CTBP2: variants seen among roughly 807,000 people sequenced by gnomAD.
The protein encoded by CTBP2 is C-terminal-binding protein 2.
In CTBP2, 30 loss-of-function variants were observed where a neutral mutation model predicts 80.3. The observed-to-expected ratio is 0.37, with a 90% CI of 0.28 to 0.51. CTBP2 has a LOEUF of 0.51. Ranked by LOEUF, CTBP2 falls within the 20% of genes least tolerant of loss-of-function variation. The probability of loss-of-function intolerance (pLI) is 0.93; values close to 1 mark genes in which losing one functional copy is unlikely to be tolerated. For synonymous variants in CTBP2, 594 were observed against 587.4 expected, an observed-to-expected ratio of 1.01 and a Z score of -0.16; for missense variants, 1,212 against 1,375.3, an observed-to-expected ratio of 0.88 and a Z score of 1.88.
intron 2 of CTBP2, among the ~76,000 whole-genome samples, chr10:125,108,752 C>G (rs1352736666): frequency 6.6e-6 from 1 of 152,246 alleles, no homozygotes; most frequent in South Asian, 2.1e-4. Flanking sequence ...TGGGGCCACA[C>G]TCAGTGTGTG....
At chr10:125,105,554 A>AGCT (rs1423352061) in intron 2 of CTBP2, among the ~76,000 whole-genome samples, 2 of 152,140 alleles carry the variant, frequency 1.3e-5, no homozygotes, top group East Asian at 3.8e-4. Context: ...TAGCTGGGGG[A>AGCT]GCTGCTCTAA....
chr10:125,014,390 T>G lies in CTBP2; in HGVS notation c.1679-10898A>C, dbSNP rs188332401. Among the ~76,000 whole-genome samples the G allele has an allele frequency of 1.8e-3, 281 of 152,346 alleles. 2 individuals are homozygous for G. Among genetic ancestry groups the G allele is most frequent in the African/African-American group, 6.5e-3 (270 of 41,580 alleles). ...TCCCTTGAGCCCAGGAGTTCAAGGC[T>G]GCAGTGAGCTATGAGTGTGCCACTG... On this transcript the variant is annotated intron_variant, in intron 1 of 8. Coordinates refer to ENST00000309035, the MANE Select transcript of CTBP2 (RefSeq NM_022802.3).
chr10:124,994,511 G>C lies in CTBP2; in HGVS notation c.2358C>G (p.Asn786Lys). 1 of 1,614,014 alleles carries C rather than the reference G, an allele frequency of 6.2e-7. No individual in the cohort carries two copies. The highest frequency in any genetic ancestry group is 8.5e-7 in the Non-Finnish European group (1 of 1,179,868). Residue 786 changes from asparagine (N) to lysine (K), a missense_variant, in exon 5 of 9, where the codon AAC (asparagine) becomes AAG (lysine). Asn to Lys is a moderately conservative substitution (Grantham distance 94). Around this residue, in one of 3 missense-constraint regions of CTBP2, gnomAD observed 335 missense variants for 504.7 expected, o/e 0.66. Transcript: ENST00000309035. ...CATTGATGAGGTGGTGGTTATGTTCGTTGAGATTGCAGTGCAAGGAGACGC... is the reference window on the plus strand; with the variant it reads ...CATTGATGAGGTGGTGGTTATGTTCCTTGAGATTGCAGTGCAAGGAGACGC...
intron 2 of CTBP2, among the ~76,000 whole-genome samples, chr10:125,062,504 C>T (rs1049948663): frequency 6.6e-6 from 1 of 152,070 alleles, no homozygotes; most frequent in Non-Finnish European, 1.5e-5. Context: ...CACCCGCTGG[C>T]AGCACGCAGC....
chr10:125,042,156 T>C (rs529639639), intron 2 of CTBP2, among the ~76,000 whole-genome samples: 4 of 152,338 alleles, frequency 2.6e-5, no homozygotes, highest in African/African-American at 7.2e-5. Context: ...TCTCCCCCGA[T>C]ATCTCTTGTG....
At chr10:125,070,024 T>TTATATATA (rs144159067) in intron 2 of CTBP2, among the ~76,000 whole-genome samples, 1 of 151,238 alleles carries the variant, frequency 6.6e-6, no homozygotes, top group Non-Finnish European at 1.5e-5. Context: ...CTCAGCAGTT[T>TTATATATA]TATATATATA....
Position 125,026,469 on chromosome 10 carries a change from G to T in CTBP2, c.1291C>A (p.Pro431Thr), listed in dbSNP as rs1230112288. 1.1e-5 allele frequency: 18 copies of T among 1,600,468 alleles called. No individual in the cohort carries two copies. Among genetic ancestry groups the T allele is most frequent in the Non-Finnish European group, 1.5e-5 (17 of 1,170,692 alleles). The change falls in exon 1 of 9, where the codon CCA becomes ACA. Residue 431 changes from proline (P) to threonine (T), a missense_variant. By Grantham distance (38) the Pro-to-Thr change is conservative. Transcript: ENST00000309035. ...TACCCGGAGTTGGAGGGGAAGTGTGGGGCATGGGTGCCCACGCCAGGGGCA... is the reference window on the plus strand; with the variant it reads ...TACCCGGAGTTGGAGGGGAAGTGTGTGGCATGGGTGCCCACGCCAGGGGCA...
intron 2 of CTBP2, among the ~76,000 whole-genome samples, chr10:125,084,931 A>T (rs1847757841): frequency 6.6e-6 from 1 of 152,170 alleles, no homozygotes; most frequent in Non-Finnish European, 1.5e-5. Flanking sequence ...ACGTCAGCAG[A>T]TCTCTGCCAA....
chr10:125,003,250 C>A (rs1377468830), intron 2 of CTBP2, 88 bp downstream of exon 4: 13 of 1,585,042 alleles, frequency 8.2e-6, no homozygotes, highest in Non-Finnish European at 1.1e-5. Context: ...TGGGGCCTGC[C>A]GGTGACTTGG....
At chr10:125,061,449 A>G (rs567164030) in intron 2 of CTBP2, among the ~76,000 whole-genome samples, 41 of 152,170 alleles carry the variant, frequency 2.7e-4, no homozygotes, top group Non-Finnish European at 5.1e-4. Flanking sequence ...GCCTGTGGAC[A>G]GGAAGGGGTA....
intron 2 of CTBP2, among the ~76,000 whole-genome samples, chr10:125,107,273 TG>T (rs1231950333): frequency 6.6e-6 from 1 of 152,206 alleles, no homozygotes; most frequent in East Asian, 1.9e-4. Context: ...GATCTTCCTC[TG>T]GTTTGTGGTT....
intron 2 of CTBP2, among the ~76,000 whole-genome samples, chr10:125,090,332 T>G (rs115425543): frequency 7.1e-6 from 1 of 140,126 alleles, no homozygotes; most frequent in Admixed American, 7.1e-5. Context: ...GGCTGAAACA[T>G]GAAACAGTGA....
chr10:125,160,130 G>C (rs1230776180), intron 1 of CTBP2, 189 bp downstream of exon 1: 1 of 150,192 alleles, frequency 6.7e-6, no homozygotes, highest in Non-Finnish European at 1.5e-5. Context: ...GCGCCGAGGG[G>C]GGACACGAGG....
At chr10:125,094,023 C>A (rs1004867087) in intron 2 of CTBP2, among the ~76,000 whole-genome samples, 1 of 152,160 alleles carries the variant, frequency 6.6e-6, no homozygotes, top group Non-Finnish European at 1.5e-5. Context: ...CTTGAGATTG[C>A]GAGGAGAAAC....
At chr10:125,135,933 C>T (rs1856907079) in intron 1 of CTBP2, among the ~76,000 whole-genome samples, 1 of 152,228 alleles carries the variant, frequency 6.6e-6, no homozygotes, top group South Asian at 2.1e-4. Context: ...TAGGACTTAC[C>T]TGATTCTCCA....
rs984673662 is a variant in CTBP2, at chr10:124,986,002, A to G, written c.*3516T>C. On this transcript the variant is annotated 3_prime_UTR_variant, in exon 9 of 9. Coordinates refer to ENST00000309035, the MANE Select transcript of CTBP2 (RefSeq NM_022802.3). The stretch of plus-strand genomic sequence containing the variant: ...ACAGAATAAAGATTTTAAAAATGCA[A>G]TAAGGTGGCAAATGCATTGTATGAA... 3 of 152,548 alleles carry G rather than the reference A, an allele frequency of 2.0e-5. No homozygotes were observed. The highest frequency in any genetic ancestry group is 2.9e-5 in the Non-Finnish European group (2 of 68,042). 9.4% of individuals were successfully genotyped at this position (152,548 alleles called of 1,614,324 possible). A position where few individuals can be genotyped will look rare whatever the true frequency, so the allele number is the denominator to read the frequency against.
chr10:125,026,535 C>A lies in CTBP2; in HGVS notation c.1225G>T (p.Ala409Ser), dbSNP rs562718240. 1 of 1,588,122 alleles carries A rather than the reference C, an allele frequency of 6.3e-7. No individual in the cohort carries two copies. The highest frequency in any genetic ancestry group is 8.6e-7 in the Non-Finnish European group (1 of 1,167,912). ...GTCTCCAGGAGGTGCTGAGATGGTG[C>A]GCTGGAGGGACGGCGAGCCGGGTCT... is the stretch of plus-strand genomic sequence containing the variant. Residue 409 changes from alanine to serine, a missense_variant, in exon 1 of 9, where the codon GCA (alanine) becomes TCA (serine). Coordinates refer to ENST00000309035, the MANE Select transcript of CTBP2 (RefSeq NM_022802.3).
chr10:125,013,675 G>T (rs748762257), intron 1 of CTBP2, among the ~76,000 whole-genome samples: 1 of 152,200 alleles, frequency 6.6e-6, no homozygotes, highest in African/African-American at 2.4e-5. Flanking sequence ...TGTTTCCCCA[G>T]CAGGTAACGG....
intron 1 of CTBP2, among the ~76,000 whole-genome samples, chr10:125,007,020 C>T (rs3781435): frequency 0.074 from 11,271 of 152,284 alleles, 549 homozygotes; most frequent in Admixed American, 0.14. Flanking sequence ...TACCACGGTG[C>T]GCAACCACGA....
Sources: gnomAD v4.1 joint callset for allele counts (sites outside exome capture counted in the v4.1 genomes callset) on GRCh38, gnomAD v4.1.1 for gene constraint, gnomAD v4.1.1 regional missense constraint, MANE v1.5 for transcripts, NCBI Gene and HGNC (gene_info 2026-07-23, HGNC 2026-07-21) for gene names.